The following PCSK7 variants were observed in gnomAD, a reference collection of about 807,000 sequenced individuals.
PCSK7 encodes the protein proprotein convertase subtilisin/kexin type 7.
Under a neutral mutation model 73.3 loss-of-function variants are expected in PCSK7, and 38 were observed. The ratio of observed to expected loss-of-function variants is 0.52; its 90% CI spans 0.40 to 0.68. PCSK7 has a LOEUF of 0.68. Among genes scored for constraint, PCSK7 ranks in the 30% least tolerant of loss-of-function variants. PCSK7 has a pLI of 0.00. For missense variants in PCSK7, 692 were observed against 991.5 expected (o/e 0.70, Z 4.06); for synonymous variants, 296 against 383.8 (o/e 0.77, Z 2.68).
In PCSK7 at chr11:117,223,405, G is replaced by T. The variant is rs537396190; in HGVS notation, c.1055-97C>A. ...TTATCTTGGAGTTACCATCCTGGGG[G>T]GCTGTCCTGAGTTTGAAACATGATC... On this transcript the variant is annotated intron_variant, in intron 8 of 16. Coordinates refer to ENST00000320934, the MANE Select transcript of PCSK7 (RefSeq NM_004716.4). 75 of 766,622 alleles carry T rather than the reference G, an allele frequency of 9.8e-5. No homozygotes were observed. In the African/African-American group the frequency reaches 1.2e-3, roughly 12 times the overall value. The allele number at this position is 766,622 out of a possible 1,614,324, so 47.5% of individuals were successfully genotyped here.
intron 10 of PCSK7, 93 bp downstream of exon 10, chr11:117,219,493 GTATCT>G: frequency 8.7e-7 from 1 of 1,151,320 alleles, no homozygotes; most frequent in Non-Finnish European, 1.3e-6. Flanking sequence ...AAGAGACTTA[GTATCT>G]AACATTTGGG....
intron 4 of PCSK7, 104 bp from the exon 5 acceptor site, chr11:117,227,426 G>C (rs1008425914): frequency 7.0e-6 from 6 of 852,240 alleles, no homozygotes; most frequent in Non-Finnish European, 1.2e-5. Flanking sequence ...ATCGAAGCTA[G>C]GGCGATAAGC....
At chr11:117,229,211 GA>G (rs1279255555) in intron 3 of PCSK7, among the ~76,000 whole-genome samples, 165 bp downstream of exon 3, 2 of 152,222 alleles carry the variant, frequency 1.3e-5, no homozygotes, top group African/African-American at 4.8e-5. Flanking sequence ...CCGGCCTCTA[GA>G]AGACAGTAGA....
chr11:117,209,445 T>C (rs756702810), intron 12 of PCSK7: 28 of 202,136 alleles, frequency 1.4e-4, no homozygotes, highest in African/African-American at 1.9e-4. Flanking sequence ...ATGGGAAATA[T>C]ACATAATTGA....
intron 12 of PCSK7, chr11:117,212,232 T>C (rs2031759509): frequency 1.3e-5 from 2 of 152,184 alleles, no homozygotes; most frequent in Admixed American, 1.3e-4. Context: ...TCTACTTTCG[T>C]GTTTCTAAAC....
intron 3 of PCSK7, among the ~76,000 whole-genome samples, chr11:117,228,552 T>C (rs1299924635): frequency 6.6e-6 from 1 of 151,644 alleles, no homozygotes; most frequent in Admixed American, 6.6e-5. Flanking sequence ...AAGTTTGTCA[T>C]CAGTCATGGG....
At position 117,206,247 on chromosome 11, in the gene PCSK7, G is replaced by A; in HGVS notation, c.2108C>T (p.Pro703Leu). The change falls in exon 17 of 17, where the codon CCC becomes CTC. Residue 703 changes from proline to leucine, a missense_variant. Pro to Leu is a moderately conservative substitution (Grantham distance 98). Transcript: ENST00000320934. ...VASNQVCRSG[P>L]CHWPHRSRKA... is the part of the protein sequence containing the mutation. ...CCGGCTCCGATGGGGCCAGTGGCAG[G>A]GTCCACTCCTACAAACTTGATTGGA... 1.2e-6 allele frequency: 2 copies of A among 1,614,126 alleles called. No individual in the cohort carries two copies. Among genetic ancestry groups the A allele is most frequent in the Non-Finnish European group, 1.7e-6 (2 of 1,180,020 alleles).
intron 1 of PCSK7, among the ~76,000 whole-genome samples, chr11:117,230,861 G>T (rs926461604): frequency 6.6e-5 from 10 of 152,170 alleles, no homozygotes; most frequent in African/African-American, 2.2e-4. Context: ...GGGAAAGCCA[G>T]AGAGTGCAAA....
At chr11:117,214,351 G>A (rs907071282) in intron 12 of PCSK7, 8 of 151,892 alleles carry the variant, frequency 5.3e-5, no homozygotes, top group African/African-American at 1.9e-4. Flanking sequence ...GGACTCATTT[G>A]TGGAGAGGTG....
At position 117,218,834 on chromosome 11, in the gene PCSK7, T is replaced by G. The variant is rs2032087867; in HGVS notation, c.1431+223A>C. On this transcript the variant is annotated intron_variant, in intron 11 of 16. Transcript: ENST00000320934. The surrounding 1 kb of genome is among the most constrained non-coding windows in gnomAD (Gnocchi z 4.0). ...ATCCTGAGTCCCACACATACTCAGG[T>G]CCCATTTACTCTATTAGTAGTTTGG... 1 of 576,416 alleles carries G rather than the reference T, an allele frequency of 1.7e-6. No individual in the cohort carries two copies. Among genetic ancestry groups the G allele is most frequent in the Admixed American group, 3.0e-5 (1 of 32,896 alleles). The allele number at this position is 576,416 out of a possible 1,614,324, so 35.7% of individuals were successfully genotyped here. A position where few individuals can be genotyped will look rare whatever the true frequency, so the allele number is the denominator to read the frequency against.
At chr11:117,225,706 G>A in intron 6 of PCSK7, 1 of 593,142 alleles carries the variant, frequency 1.7e-6, no homozygotes, top group Non-Finnish European at 3.0e-6. Context: ...AATGTGCACA[G>A]GCCAGGGCTT....
chr11:117,218,773 A>G lies in PCSK7; in HGVS notation c.1432-205T>C. ...GCCCCCAGCTAAGGAACCAGAGGAA[A>G]CAGCTGTGTCCAGGGTGGAGGAGGG... is the stretch of plus-strand genomic sequence containing the variant. On this transcript the variant is annotated intron_variant, in intron 11 of 16. Coordinates refer to ENST00000320934, the MANE Select transcript of PCSK7 (RefSeq NM_004716.4). The surrounding 1 kb of genome is among the most constrained non-coding windows in gnomAD (Gnocchi z 4.0). 1 of 566,888 alleles carries G rather than the reference A, an allele frequency of 1.8e-6. No homozygotes were observed. The highest frequency in any genetic ancestry group is 2.3e-5 in the South Asian group (1 of 43,400). The allele number at this position is 566,888 out of a possible 1,614,324, so 35.1% of individuals were successfully genotyped here. A position where few individuals can be genotyped will look rare whatever the true frequency, so the allele number is the denominator to read the frequency against.
At position 117,228,364 on chromosome 11, in the gene PCSK7, A is replaced by G; in HGVS notation, c.469-14T>C. The G allele has an allele frequency of 6.2e-7, 1 of 1,613,146 alleles. No individual in the cohort carries two copies. The stretch of plus-strand genomic sequence containing the variant: ...CCGTCGGTTATTCTGTAAGAGAGAC[A>G]GGATGGGAATACAGTGACACATAGC... On this transcript the variant is annotated splice_polypyrimidine_tract_variant and intron_variant, in intron 3 of 16. Transcript: ENST00000320934.
intron 12 of PCSK7, chr11:117,209,363 T>C (rs1367589834): frequency 3.6e-6 from 1 of 276,346 alleles, no homozygotes; most frequent in African/African-American, 2.4e-5. Context: ...GGCACTGTAC[T>C]AGATGCTGGG....
At chr11:117,210,320 C>A (rs569623603) in intron 12 of PCSK7, 1 of 151,076 alleles carries the variant, frequency 6.6e-6, no homozygotes, top group South Asian at 2.1e-4. Context: ...GAAGACTCAA[C>A]TGGGGACTAT....
chr11:117,227,586 G>A (rs1438798335), intron 4 of PCSK7, among the ~76,000 whole-genome samples: 1 of 152,280 alleles, frequency 6.6e-6, no homozygotes, highest in East Asian at 1.9e-4. Context: ...GGGACTATAG[G>A]TGAGCGCCAC....
chr11:117,225,812 C>A, intron 6 of PCSK7, 119 bp downstream of exon 6: 1 of 684,602 alleles, frequency 1.5e-6, no homozygotes. Flanking sequence ...GACTTATTAG[C>A]TGAACCCAAT....
At position 117,206,122 on chromosome 11, in the gene PCSK7, A is replaced by G; in HGVS notation, c.2233T>C (p.Ser745Pro). 2 of 1,600,674 alleles carry G rather than the reference A, an allele frequency of 1.2e-6. No homozygotes were observed. Among genetic ancestry groups the G allele is most frequent in the Non-Finnish European group, 8.5e-7 (1 of 1,170,910 alleles). Reference sequence around the variant, plus strand: ...AGCAGGTCTGGGGCAAGGAGGTCAGAGGTGGTGGGAGGGCCCCTGCTCTCT... The same window carrying G: ...AGCAGGTCTGGGGCAAGGAGGTCAGGGGTGGTGGGAGGGCCCCTGCTCTCT... The part of the protein sequence containing the change: ...ETESRGPPTT[S>P]DLLAPDLLEQ... Residue 745 changes from serine to proline, a missense_variant, in exon 17 of 17, where the codon TCT (serine) becomes CCT (proline). Ser to Pro is a moderately conservative substitution (Grantham distance 74). Transcript: ENST00000320934.
At position 117,205,344 on chromosome 11, in the gene PCSK7, C is replaced by T; in HGVS notation, c.*653G>A. 4.3e-6 allele frequency: 1 copy of T among 233,574 alleles called. No individual in the cohort carries two copies. Among genetic ancestry groups the T allele is most frequent in the Non-Finnish European group, 8.5e-6 (1 of 117,994 alleles). The allele number at this position is 233,574 out of a possible 1,614,324, so 14.5% of individuals were successfully genotyped here. ...TGGCTCCCAAGGCTCTCTCCTCCAA[C>T]ATGTGCATCTGCCATCTGCTCTGCA... On this transcript the variant is annotated 3_prime_UTR_variant, in exon 17 of 17. Transcript: ENST00000320934.
Sources: allele counts gnomAD v4.1 joint callset (sites outside exome capture counted in the v4.1 genomes callset), GRCh38; gene constraint gnomAD v4.1.1; non-coding constraint Gnocchi (gnomAD v3.1); transcripts MANE v1.5; gene names NCBI Gene and HGNC (gene_info 2026-07-23, HGNC 2026-07-21).